CPNE4: variants seen among roughly 807,000 people sequenced by gnomAD.
The protein encoded by CPNE4 is copine 4, also known as copine-4.
Under a neutral mutation model 67.9 loss-of-function variants are expected in CPNE4, and 25 were observed. The observed-to-expected ratio is 0.37, with a 90% CI of 0.27 to 0.51. The LOEUF (loss-of-function observed/expected upper bound fraction) is 0.51, where lower values mean the gene tolerates loss of function less well. Among genes scored for constraint, CPNE4 ranks in the 20% least tolerant of loss-of-function variants. The probability of loss-of-function intolerance (pLI) is 0.93; values close to 1 mark genes in which losing one functional copy is unlikely to be tolerated. For synonymous variants in CPNE4, 242 were observed against 244.9 expected (o/e 0.99, Z 0.11); for missense variants, 464 against 690.8 (o/e 0.67, Z 3.68).
chr3:131,537,281 C>CTT (rs1935204779), intron 15 of CPNE4, among the ~76,000 whole-genome samples: 2 of 138,076 alleles, frequency 1.4e-5, no homozygotes, highest in Admixed American at 7.2e-5. Flanking sequence ...TTTTTCTTTT[C>CTT]TGTTTTTTTT....
chr3:131,783,893 C>T (rs1392487349), intron 2 of CPNE4, among the ~76,000 whole-genome samples: 1 of 152,076 alleles, frequency 6.6e-6, no homozygotes, highest in African/African-American at 2.4e-5. Flanking sequence ...CCACAGACTG[C>T]CCAGGGAACA....
chr3:131,608,893 A>T (rs897925854), intron 7 of CPNE4, among the ~76,000 whole-genome samples: 4 of 151,582 alleles, frequency 2.6e-5, no homozygotes, highest in Non-Finnish European at 4.4e-5. Flanking sequence ...TTTCCTTCTC[A>T]CTGTCAGGCT....
Position 131,677,034 on chromosome 3 carries a change from C to T in CPNE4, c.592-7270G>A, listed in dbSNP as rs144762574. Reference sequence around the variant, plus strand: ...CATTCCTTTTTCTCCACTACCTCTCCGGCATCTGTTTTTTTTTTTACTTTT... The same window carrying T: ...CATTCCTTTTTCTCCACTACCTCTCTGGCATCTGTTTTTTTTTTTACTTTT... On this transcript the variant is annotated intron_variant, in intron 6 of 15. Coordinates refer to ENST00000429747, the MANE Select transcript of CPNE4 (RefSeq NM_130808.3). Among the ~76,000 whole-genome samples the T allele has an allele frequency of 5.3e-4, 79 of 150,336 alleles. 1 individual carries two copies. The highest frequency in any genetic ancestry group is 1.8e-3 in the African/African-American group (72 of 41,058).
intron 2 of CPNE4, among the ~76,000 whole-genome samples, chr3:131,830,949 A>G (rs999949400): frequency 6.6e-6 from 1 of 152,150 alleles, no homozygotes; most frequent in Non-Finnish European, 1.5e-5. Context: ...GGTTAACTTC[A>G]GTATGGAAAC....
intron 3 of CPNE4, among the ~76,000 whole-genome samples, chr3:131,710,776 T>G (rs1342235614): frequency 6.6e-6 from 1 of 152,198 alleles, no homozygotes; most frequent in African/African-American, 2.4e-5. Context: ...TGGGAAGACC[T>G]GGGGCATTCA....
chr3:131,998,654 T>C (rs899308127), intron 1 of CPNE4, among the ~76,000 whole-genome samples: 1 of 152,160 alleles, frequency 6.6e-6, no homozygotes, highest in Non-Finnish European at 1.5e-5. Context: ...AAACTGTTCC[T>C]ATTTATTCAT....
intron 1 of CPNE4, among the ~76,000 whole-genome samples, chr3:132,018,954 G>A (rs1398863501): frequency 6.6e-6 from 1 of 152,278 alleles, no homozygotes; most frequent in Admixed American, 6.5e-5. Flanking sequence ...ATGCACTTGA[G>A]CAACCACCAA....
At chr3:131,816,460 T>C (rs2084747833) in intron 2 of CPNE4, among the ~76,000 whole-genome samples, 1 of 152,228 alleles carries the variant, frequency 6.6e-6, no homozygotes, top group Non-Finnish European at 1.5e-5. Flanking sequence ...TCATTTACTT[T>C]TCCTAGCTTG....
At chr3:132,007,288 G>A (rs1448129230) in intron 1 of CPNE4, among the ~76,000 whole-genome samples, 1 of 152,082 alleles carries the variant, frequency 6.6e-6, no homozygotes, top group East Asian at 1.9e-4. Flanking sequence ...TTAGTTCAAA[G>A]ATGAGACGTG....
chr3:131,861,763 A>G (rs1468130005), intron 2 of CPNE4, among the ~76,000 whole-genome samples: 1 of 152,192 alleles, frequency 6.6e-6, no homozygotes, highest in African/African-American at 2.4e-5. Context: ...AAGGAGAAAT[A>G]AGAATATATT....
intron 1 of CPNE4, among the ~76,000 whole-genome samples, chr3:131,973,439 A>G (rs2107621058): frequency 6.6e-6 from 1 of 152,370 alleles, no homozygotes; most frequent in East Asian, 1.9e-4. Flanking sequence ...ATATTTCTAT[A>G]GCCTCTGATA....
chr3:131,794,550 G>A (rs2083868348), intron 2 of CPNE4, among the ~76,000 whole-genome samples: 1 of 152,138 alleles, frequency 6.6e-6, no homozygotes, highest in Non-Finnish European at 1.5e-5. Flanking sequence ...GCTGGACACT[G>A]CATTTCTAGG....
chr3:131,614,379 T>C (rs1187596398), intron 7 of CPNE4, among the ~76,000 whole-genome samples: 2 of 152,218 alleles, frequency 1.3e-5, no homozygotes, highest in African/African-American at 4.8e-5. Flanking sequence ...AATTATGTGA[T>C]AACTTACTAG....
At chr3:131,831,336 A>G (rs1444294544) in intron 2 of CPNE4, among the ~76,000 whole-genome samples, 2 of 152,158 alleles carry the variant, frequency 1.3e-5, no homozygotes, top group Non-Finnish European at 2.9e-5. Context: ...CTTCCCACAC[A>G]TCAGTCTTTC....
chr3:131,979,072 A>T (rs944981950), intron 1 of CPNE4, among the ~76,000 whole-genome samples: 2 of 151,928 alleles, frequency 1.3e-5, no homozygotes, highest in African/African-American at 4.8e-5. Flanking sequence ...TATAATTTCA[A>T]TTTTTTTAAT....
intron 2 of CPNE4, among the ~76,000 whole-genome samples, chr3:131,752,588 T>TTA (rs2082657049): frequency 6.6e-6 from 1 of 152,196 alleles, no homozygotes; most frequent in Non-Finnish European, 1.5e-5. Context: ...AATGTATTCT[T>TTA]ATGTTTGTTT....
rs1583213242 is a variant in CPNE4, at chr3:131,796,435, AGGT to A, written c.181-72813_181-72811del. 3.3e-5 allele frequency among the ~76,000 whole-genome samples: 5 copies of A among 152,334 alleles called. No individual in the cohort carries two copies. In the East Asian group the frequency reaches 9.6e-4, roughly 29 times the overall value. ...TCATTGATTCTGGGCCTGCTCCCTC[AGGT>A]CAAGAGCACACAACCACCTCACAGC... is the stretch of plus-strand genomic sequence containing the variant. On this transcript the variant is annotated intron_variant, in intron 2 of 15. Coordinates refer to ENST00000429747, the MANE Select transcript of CPNE4 (RefSeq NM_130808.3).
intron 1 of CPNE4, among the ~76,000 whole-genome samples, chr3:131,966,263 GA>G (rs1295160529): frequency 6.6e-6 from 1 of 152,180 alleles, no homozygotes; most frequent in Non-Finnish European, 1.5e-5. Context: ...GCCCACATCA[GA>G]AAGTAGGAGA....
intron 7 of CPNE4, among the ~76,000 whole-genome samples, chr3:131,659,615 A>T (rs938183045): frequency 2.0e-5 from 3 of 152,190 alleles, no homozygotes; most frequent in African/African-American, 4.8e-5. Flanking sequence ...AACATTTTTT[A>T]AAAAAATCAA....
Sources: allele counts gnomAD v4.1 joint callset (sites outside exome capture counted in the v4.1 genomes callset), GRCh38; gene constraint gnomAD v4.1.1; transcripts MANE v1.5; gene names NCBI Gene and HGNC (gene_info 2026-07-23, HGNC 2026-07-21).